Variants in EIF4G3 observed in about 807,000 individuals in gnomAD.
The protein encoded by EIF4G3 is eIF-4-gamma 3.
A neutral mutation model predicts 186.4 loss-of-function variants in EIF4G3; 34 were observed. That is an observed-to-expected ratio of 0.18 (90% CI 0.14 to 0.24). The LOEUF is 0.24. Among genes scored for constraint, EIF4G3 ranks in the 10% least tolerant of loss-of-function variants. EIF4G3 has a pLI of 1.00. For synonymous variants in EIF4G3, 673 were observed against 679.5 expected (o/e 0.99, Z 0.15); for missense variants, 1,536 against 1,948.5 (o/e 0.79, Z 3.99).
Position 20,815,808 on chromosome 1 carries a change from G to A in EIF4G3, c.4515+1584C>T, listed in dbSNP as rs1212813309. 1.4e-3 allele frequency among the ~76,000 whole-genome samples: 174 copies of A among 123,040 alleles called. 1 individual carries two copies. The highest frequency in any genetic ancestry group is 5.6e-3 in the Middle Eastern group (1 of 180). 80.7% of individuals were successfully genotyped at this position (123,040 alleles called of 152,430 possible). On this transcript the variant is annotated intron_variant, in intron 34 of 36. Coordinates refer to ENST00000602326, the MANE Select transcript of EIF4G3 (RefSeq NM_001391906.1). The stretch of plus-strand genomic sequence containing the variant: ...GGGTCAGCCCCCCACCCGGCCAGCC[G>A]CCCAGTCCGGGAGGGAGGTGGGGGG...
intron 3 of EIF4G3, among the ~76,000 whole-genome samples, chr1:21,084,924 T>A (rs1412948561): frequency 2.0e-5 from 3 of 152,130 alleles, no homozygotes; most frequent in Non-Finnish European, 1.5e-5. Context: ...GCTGAGGGTC[T>A]GTGTTGCTCC....
intron 32 of EIF4G3, among the ~76,000 whole-genome samples, chr1:20,827,281 C>T (rs1355111406): frequency 1.3e-5 from 2 of 152,212 alleles, no homozygotes; most frequent in African/African-American, 4.8e-5. Flanking sequence ...CATAGACTGA[C>T]AGCCTCCAGC....
chr1:20,819,592 C>A lies in EIF4G3; in HGVS notation c.4369-2054G>T, dbSNP rs148956977. On this transcript the variant is annotated intron_variant, in intron 33 of 36. Coordinates refer to ENST00000602326, the MANE Select transcript of EIF4G3 (RefSeq NM_001391906.1). Reference sequence around the variant, plus strand: ...AGCGAACTAATGCAGGAACAAAAAACCAAATACTGCGTGTTCTCACTTATA... The same window carrying A: ...AGCGAACTAATGCAGGAACAAAAAAACAAATACTGCGTGTTCTCACTTATA... Among the ~76,000 whole-genome samples, 530 of 152,186 alleles carry A rather than the reference C, an allele frequency of 3.5e-3. 1 individual carries two copies. The highest frequency in any genetic ancestry group is 5.7e-3 in the Non-Finnish European group (385 of 68,006).
At chr1:20,888,610 T>C (rs1572241252) in intron 18 of EIF4G3, among the ~76,000 whole-genome samples, 1 of 152,238 alleles carries the variant, frequency 6.6e-6, no homozygotes. Context: ...CTGCTATATA[T>C]GAGCAAAGTT....
At chr1:20,892,970 T>TGC in intron 18 of EIF4G3, 1 of 467,276 alleles carries the variant, frequency 2.1e-6, no homozygotes, top group Non-Finnish European at 3.8e-6. Context: ...TGCAGTGGCA[T>TGC]GATCATGGCT....
chr1:20,841,008 T>C lies in EIF4G3; in HGVS notation c.3909A>G (p.Glu1303=), dbSNP rs374481305. The C allele has an allele frequency of 6.2e-7, 1 of 1,614,110 alleles. No individual in the cohort carries two copies. Among genetic ancestry groups the C allele is most frequent in the African/African-American group, 1.3e-5 (1 of 75,060 alleles). Residue 1303 remains glutamate (E), a synonymous_variant, in exon 30 of 37, where the codon GAA becomes GAG. Transcript: ENST00000602326. ...GTAGTAGGCCCTGGGCATTCAGCTC[T>C]TCCACACACTGCATGGCTTCCTGTT... is the stretch of plus-strand genomic sequence containing the variant. ...NDFKEAMQCV[E]ELNAQGLLHV...
Position 20,853,665 on chromosome 1 carries a change from G to T in EIF4G3, c.3446C>A (p.Ser1149Ter). The T allele has an allele frequency of 6.2e-7, 1 of 1,611,540 alleles. No individual in the cohort carries two copies. The highest frequency in any genetic ancestry group is 1.1e-5 in the South Asian group (1 of 90,918). ...AKASETDALR[S>*]SASSLNRFSA... ...GAATCTGTTTAAACTGGAAGCACTT[G>T]ACCGTAAGGCATCTACACATGTCGA... The change falls in exon 27 of 37, where the codon TCA becomes TAA. Residue 1149 changes from serine to a stop codon, truncating the protein, a stop_gained. Coordinates refer to ENST00000602326, the MANE Select transcript of EIF4G3 (RefSeq NM_001391906.1). LOFTEE classifies it high-confidence loss of function.
chr1:20,841,116 C>G (rs2068429738), intron 29 of EIF4G3, 88 bp from the exon 30 acceptor site: 7 of 1,357,604 alleles, frequency 5.2e-6, no homozygotes, highest in Non-Finnish European at 5.1e-6. Flanking sequence ...TTACTTACAA[C>G]AGAATCAGTA....
At chr1:20,863,119 C>T (rs144035706) in intron 22 of EIF4G3, among the ~76,000 whole-genome samples, 1 of 152,094 alleles carries the variant, frequency 6.6e-6, no homozygotes, top group East Asian at 1.9e-4. Flanking sequence ...GTTCATATGA[C>T]CACCTAAAAT....
At chr1:20,948,185 G>A (rs968270996) in intron 13 of EIF4G3, among the ~76,000 whole-genome samples, 3 of 152,188 alleles carry the variant, frequency 2.0e-5, no homozygotes, top group African/African-American at 7.2e-5. Context: ...AAGTTTTGAA[G>A]GGAAATACTC....
downstream of EIF4G3, chr1:20,806,393 T>A (rs1374105674): frequency 6.5e-6 from 1 of 152,684 alleles, no homozygotes; most frequent in African/African-American, 2.4e-5. Context: ...AGGAGTGATT[T>A]GAATTAGACA....
At chr1:20,972,884 T>TA (rs532240274) in intron 11 of EIF4G3, 118 bp downstream of exon 11, 18,000 of 619,170 alleles carry the variant, frequency 0.029, no homozygotes, top group Middle Eastern at 0.033. Flanking sequence ...AAGGGAAGAA[T>TA]AAAAAAAAAA....
At chr1:20,896,597 A>G (rs2088208524) in intron 16 of EIF4G3, among the ~76,000 whole-genome samples, 1 of 152,180 alleles carries the variant, frequency 6.6e-6, no homozygotes, top group Non-Finnish European at 1.5e-5. Flanking sequence ...AGATTAATTC[A>G]TTATTAGAGA....
At chr1:20,889,633 G>A (rs1400325244) in intron 18 of EIF4G3, among the ~76,000 whole-genome samples, 1 of 152,096 alleles carries the variant, frequency 6.6e-6, no homozygotes, top group Non-Finnish European at 1.5e-5. Context: ...TGGGACTACA[G>A]GCGCCCGCCA....
At chr1:20,897,964 T>C (rs1193511049) in intron 16 of EIF4G3, among the ~76,000 whole-genome samples, 5 of 152,110 alleles carry the variant, frequency 3.3e-5, no homozygotes, top group Admixed American at 6.5e-5. Context: ...ATAATTTGCA[T>C]AGTCTAAAAA....
intron 4 of EIF4G3, among the ~76,000 whole-genome samples, chr1:21,032,429 T>A (rs2092823065): frequency 6.6e-6 from 1 of 152,180 alleles, no homozygotes; most frequent in Non-Finnish European, 1.5e-5. Context: ...AACTTCAATG[T>A]AAACAAATAC....
chr1:20,865,215 C>G lies in EIF4G3; in HGVS notation c.2670G>C (p.Arg890=), dbSNP rs200570043. ...TCTGGCAACGGTTCAGTAGCAGCTT[C>G]CGGAAATTCACTGTGTTACCAGGCT... The part of the protein sequence containing the change: ...ADKPGNTVNF[R]KLLLNRCQKE... Residue 890 remains arginine, a synonymous_variant, in exon 21 of 37, where the codon CGG becomes CGC. Coordinates refer to ENST00000602326, the MANE Select transcript of EIF4G3 (RefSeq NM_001391906.1). 75 of 1,614,044 alleles carry G rather than the reference C, an allele frequency of 4.6e-5. No homozygotes were observed. Among genetic ancestry groups the G allele is most frequent in the Admixed American group, 3.3e-5 (2 of 59,998 alleles).
chr1:20,907,073 G>A (rs2092316158), intron 14 of EIF4G3, among the ~76,000 whole-genome samples: 1 of 152,176 alleles, frequency 6.6e-6, no homozygotes, highest in South Asian at 2.1e-4. Context: ...TACTGTCTTA[G>A]ATTCGTTCTT....
chr1:20,940,782 CT>C (rs2095683454), intron 14 of EIF4G3, among the ~76,000 whole-genome samples: 1 of 152,160 alleles, frequency 6.6e-6, no homozygotes, highest in Non-Finnish European at 1.5e-5. Flanking sequence ...CCTCAGATAA[CT>C]TTTGATTAAA....
Sources: gnomAD v4.1 joint callset for allele counts (sites outside exome capture counted in the v4.1 genomes callset) on GRCh38, gnomAD v4.1.1 for gene constraint, MANE v1.5 for transcripts, NCBI Gene and HGNC (gene_info 2026-07-23, HGNC 2026-07-21) for gene names.